PCDHGA5: variants seen among roughly 807,000 people sequenced by gnomAD.
PCDHGA5 encodes protocadherin gamma-A5.
Under a neutral mutation model 56.7 loss-of-function variants are expected in PCDHGA5, and 36 were observed. That is an observed-to-expected ratio of 0.64 (90% CI 0.49 to 0.84). The LOEUF (loss-of-function observed/expected upper bound fraction) is 0.84, where lower values mean the gene tolerates loss of function less well. Among genes scored for constraint, PCDHGA5 ranks in the 40% least tolerant of loss-of-function variants. The probability of loss-of-function intolerance (pLI) is 0.00; values close to 1 mark genes in which losing one functional copy is unlikely to be tolerated. For missense variants in PCDHGA5, 1,305 were observed against 1,201.5 expected, an observed-to-expected ratio of 1.09 and a Z score of -1.27; for synonymous variants, 563 against 520.2, an observed-to-expected ratio of 1.08 and a Z score of -1.12.
chr5:141,501,447 A>G (rs1483189279), intron 2 of PCDHGA5, among the ~76,000 whole-genome samples: 1 of 151,816 alleles, frequency 6.6e-6, no homozygotes, highest in Middle Eastern at 3.2e-3. Flanking sequence ...TTCCATTTTT[A>G]CTTTTCACTA....
In PCDHGA5 at chr5:141,389,513, C is replaced by A. The variant is rs749432491; in HGVS notation, c.2421+22762C>A. 2.5e-6 allele frequency: 4 copies of A among 1,613,038 alleles called. No homozygotes were observed. The Admixed American group carries it at 5.0e-5, about 20-fold the overall frequency. On this transcript the variant is annotated intron_variant, in intron 1 of 3. Coordinates refer to ENST00000518069, the MANE Select transcript of PCDHGA5 (RefSeq NM_018918.3). ...AGGGCTCGCCAGCGCTCAGCGCGAACGTGAGCCTGCGCGTGTTAGTGGACG... is the reference window on the plus strand; with the variant it reads ...AGGGCTCGCCAGCGCTCAGCGCGAAAGTGAGCCTGCGCGTGTTAGTGGACG...
chr5:141,501,897 C>T (rs796164763), intron 2 of PCDHGA5, among the ~76,000 whole-genome samples: 17 of 152,230 alleles, frequency 1.1e-4, no homozygotes, highest in African/African-American at 3.4e-4. Flanking sequence ...ATCATGGTTC[C>T]AACCCCACTG....
At chr5:141,442,708 A>C (rs2098338740) in intron 1 of PCDHGA5, among the ~76,000 whole-genome samples, 2 of 152,254 alleles carry the variant, frequency 1.3e-5, no homozygotes, top group Non-Finnish European at 2.9e-5. Context: ...AGTATCAGAC[A>C]TGCCAGAGCA....
At chr5:141,469,886 T>A (rs766990419) in intron 1 of PCDHGA5, among the ~76,000 whole-genome samples, 4 of 152,208 alleles carry the variant, frequency 2.6e-5, no homozygotes, top group Non-Finnish European at 4.4e-5. Context: ...ATCTCGGCAC[T>A]TTGGGAAGCC....
chr5:141,487,275 G>T lies in PCDHGA5; in HGVS notation c.2422-7532G>T, dbSNP rs747253888. 2.5e-6 allele frequency: 4 copies of T among 1,614,158 alleles called. No homozygotes were observed. The highest frequency in any genetic ancestry group is 1.1e-5 in the South Asian group (1 of 91,074). On this transcript the variant is annotated intron_variant, in intron 1 of 3. Coordinates refer to ENST00000518069, the MANE Select transcript of PCDHGA5 (RefSeq NM_018918.3). The surrounding 1 kb of genome is among the most constrained non-coding windows in gnomAD (Gnocchi z 5.0). ...TTGGCTGTGTCCCTAGTGGCAATTT[G>T]CTTTGTCTCCTTTGGCTCATTCGTG...
intron 1 of PCDHGA5, chr5:141,377,028 G>A (rs776077319): frequency 2.5e-4 from 39 of 154,858 alleles, no homozygotes; most frequent in Admixed American, 6.4e-5. Context: ...ATTCAAGATT[G>A]TCTTTGATTA....
At chr5:141,429,240 TGA>T (rs998506084) in intron 1 of PCDHGA5, 1 of 151,858 alleles carries the variant, frequency 6.6e-6, no homozygotes, top group Non-Finnish European at 1.5e-5. Context: ...CTGCTGTCAT[TGA>T]GATATTTTAA....
rs369080489 is a variant in PCDHGA5, at chr5:141,365,782, C to T, written c.1452C>T (p.Asn484=). ...CCCATGACCCCGACAGCGGCGACAA[C>T]GCTCGAGTCACCTACTCCCTGGCTG... ...VTAHDPDSGD[N]ARVTYSLAED... is the part of the protein sequence containing the mutation. Residue 484 remains asparagine (N), a synonymous_variant, in exon 1 of 4, where the codon AAC becomes AAT. Transcript: ENST00000518069. 1.7e-4 allele frequency: 274 copies of T among 1,613,792 alleles called. No individual in the cohort carries two copies. Among genetic ancestry groups the T allele is most frequent in the Non-Finnish European group, 2.2e-4 (255 of 1,179,902 alleles).
intron 1 of PCDHGA5, among the ~76,000 whole-genome samples, chr5:141,466,670 G>T (rs994949602): frequency 6.6e-6 from 1 of 152,046 alleles, no homozygotes; most frequent in Non-Finnish European, 1.5e-5. Flanking sequence ...TGATTTCACC[G>T]TTCTTCCACT....
At chr5:141,393,167 G>C (rs889451396) in intron 1 of PCDHGA5, 17 of 1,613,166 alleles carry the variant, frequency 1.1e-5, no homozygotes, top group East Asian at 2.2e-5. Context: ...AACTCTTTGG[G>C]GTAGAAATAG....
At chr5:141,388,858 T>C (rs1217000654) in intron 1 of PCDHGA5, 1 of 1,613,984 alleles carries the variant, frequency 6.2e-7, no homozygotes, top group Non-Finnish European at 8.5e-7. Context: ...GGTGGAGGAA[T>C]GATTGCGCAA....
At chr5:141,450,835 T>TATTA (rs1438371595) in intron 1 of PCDHGA5, among the ~76,000 whole-genome samples, 1 of 142,096 alleles carries the variant, frequency 7.0e-6, no homozygotes, top group Admixed American at 6.9e-5. Context: ...TATTATTTTT[T>TATTA]TTTTTTTGAG....
At chr5:141,463,692 C>A (rs1482988660) in intron 1 of PCDHGA5, among the ~76,000 whole-genome samples, 2 of 151,934 alleles carry the variant, frequency 1.3e-5, no homozygotes, top group Non-Finnish European at 2.9e-5. Flanking sequence ...GTGATCTGCT[C>A]ACCTCGGCCT....
At chr5:141,460,411 T>TG (rs2098988114) in intron 1 of PCDHGA5, among the ~76,000 whole-genome samples, 1 of 152,212 alleles carries the variant, frequency 6.6e-6, no homozygotes, top group Non-Finnish European at 1.5e-5. Context: ...TTTGAGTTGA[T>TG]GTTTATGTAT....
At chr5:141,437,188 G>T (rs1303844523) in intron 1 of PCDHGA5, among the ~76,000 whole-genome samples, 1 of 152,146 alleles carries the variant, frequency 6.6e-6, no homozygotes, top group Non-Finnish European at 1.5e-5. Context: ...CTGGGCAATG[G>T]GTTTGGATGT....
rs1018272442 is a variant in PCDHGA5 at position 141,419,770 on chromosome 5, G to T, written c.2421+53019G>T. The stretch of plus-strand genomic sequence containing the variant: ...TGCGTGCTTTGGGTGACAAGGACTC[G>T]GTCCGCCAGCGCCTGCTAGTCGCTG... On this transcript the variant is annotated intron_variant, in intron 1 of 3. Transcript: ENST00000518069. 6.2e-6 allele frequency: 10 copies of T among 1,613,888 alleles called. No homozygotes were observed. The African/African-American group carries it at 1.2e-4, about 19-fold the overall frequency.
At position 141,447,650 on chromosome 5, in the gene PCDHGA5, T is replaced by C. The variant is rs555134653; in HGVS notation, c.2422-47157T>C. Reference sequence around the variant, plus strand: ...AACAGTATGAATGATGGTAGAATTTTCCCCCCCAGGAAGTTAGAACTGTTC... The same window carrying C: ...AACAGTATGAATGATGGTAGAATTTCCCCCCCCAGGAAGTTAGAACTGTTC... On this transcript the variant is annotated intron_variant, in intron 1 of 3. Transcript: ENST00000518069. Among the ~76,000 whole-genome samples, 24 of 152,106 alleles carry C rather than the reference T, an allele frequency of 1.6e-4. No homozygotes were observed. The South Asian group carries it at 2.3e-3, about 15-fold the overall frequency.
At chr5:141,496,249 A>G (rs1385823714) in intron 2 of PCDHGA5, among the ~76,000 whole-genome samples, 1 of 152,078 alleles carries the variant, frequency 6.6e-6, no homozygotes, top group East Asian at 1.9e-4. Context: ...GCTGAAGGGG[A>G]GGGAAACTTC....
chr5:141,410,822 A>T (rs2095425246), intron 1 of PCDHGA5: 1 of 461,414 alleles, frequency 2.2e-6, no homozygotes, highest in Non-Finnish European at 3.6e-6. Flanking sequence ...AAATAATGTC[A>T]CCAGACTGAA....
Sources: gnomAD v4.1 joint callset for allele counts (sites outside exome capture counted in the v4.1 genomes callset) on GRCh38, gnomAD v4.1.1 for gene constraint, Gnocchi (gnomAD v3.1) non-coding constraint, MANE v1.5 for transcripts, NCBI Gene and HGNC (gene_info 2026-07-23, HGNC 2026-07-21) for gene names.